The following TRAK1 variants were observed in gnomAD, a reference collection of about 807,000 sequenced individuals.
The protein encoded by TRAK1 is trafficking kinesin-binding protein 1.
A neutral mutation model predicts 92.1 loss-of-function variants in TRAK1; 33 were observed. The observed-to-expected ratio is 0.36, with a 90% confidence interval of 0.27 to 0.48. The LOEUF (loss-of-function observed/expected upper bound fraction) is 0.48, where lower values mean the gene tolerates loss of function less well. TRAK1 is among the 20% of genes least tolerant of loss of function. TRAK1 has a pLI of 0.99. For synonymous variants in TRAK1, 521 were observed against 517.3 expected (o/e 1.01, Z -0.10); for missense variants, 1,123 against 1,257.9 (o/e 0.89, Z 1.62).
At chr3:42,180,280 A>G (rs990890025) in intron 3 of TRAK1, among the ~76,000 whole-genome samples, 22 of 152,118 alleles carry the variant, frequency 1.4e-4, no homozygotes, top group African/African-American at 5.3e-4. Flanking sequence ...ATATATATTT[A>G]TGGGGTACAT....
chr3:42,113,091 G>A (rs2149083403), intron 1 of TRAK1, among the ~76,000 whole-genome samples: 2 of 151,628 alleles, frequency 1.3e-5, no homozygotes, highest in Middle Eastern at 3.4e-3. Context: ...ATTTTAAAAA[G>A]TATTATAGGC....
At position 42,107,922 on chromosome 3, in the gene TRAK1, G is replaced by A. The variant is rs60157267; in HGVS notation, c.91+16362G>A. On this transcript the variant is annotated intron_variant, in intron 1 of 15. Coordinates refer to ENST00000327628, the MANE Select transcript of TRAK1 (RefSeq NM_001042646.3). ...CTTCAGTTCTACCATACTAGATGTC[G>A]TTTCCATCCTTAAGGTCATGTCACA... 3.3e-3 allele frequency among the ~76,000 whole-genome samples: 500 copies of A among 151,256 alleles called. 2 individuals carry two copies. Among genetic ancestry groups the A allele is most frequent in the South Asian group, 0.022 (106 of 4,734 alleles).
chr3:42,121,259 C>CT (rs397959962), intron 1 of TRAK1, among the ~76,000 whole-genome samples: 14,753 of 131,712 alleles, frequency 0.11, 972 homozygotes, highest in African/African-American at 0.17. Flanking sequence ...CTGGGGAATT[C>CT]TTTTTTTTTT....
chr3:42,181,388 A>G (rs909056523), intron 3 of TRAK1, among the ~76,000 whole-genome samples: 2 of 152,196 alleles, frequency 1.3e-5, no homozygotes, highest in African/African-American at 4.8e-5. Context: ...TACCAAAAAT[A>G]CAAAAATTAG....
chr3:42,145,070 C>T (rs1416213851), intron 2 of TRAK1, among the ~76,000 whole-genome samples: 1 of 152,228 alleles, frequency 6.6e-6, no homozygotes, highest in East Asian at 1.9e-4. Context: ...GTAAGCAAGA[C>T]ACACAGTCAT....
At chr3:42,020,021 T>C (rs1027362298) in intron 1 of TRAK1, among the ~76,000 whole-genome samples, 5 of 152,184 alleles carry the variant, frequency 3.3e-5, no homozygotes, top group African/African-American at 1.2e-4. Context: ...TGAAGACAGC[T>C]CAGCTGTTCA....
Position 42,092,763 on chromosome 3 carries a change from G to GTTATGTCATA in TRAK1, c.91+1209_91+1210insCATATTATGT, listed in dbSNP as rs1705295042. On this transcript the variant is annotated intron_variant, in intron 1 of 15. Coordinates refer to ENST00000327628, the MANE Select transcript of TRAK1 (RefSeq NM_001042646.3). ...GTTATGTTATGTTATGTTATGTTATGTTATGTTATTTCGTGACTCACTGTA... is the reference window on the plus strand; with the variant it reads ...GTTATGTTATGTTATGTTATGTTATGTTATGTCATATTATGTTATTTCGTGACTCACTGTA... Among the ~76,000 whole-genome samples the GTTATGTCATA allele has an allele frequency of 4.7e-5, 7 of 147,722 alleles. No individual in the cohort carries two copies. In the Admixed American group the frequency reaches 4.8e-4, roughly 10 times the overall value.
At chr3:42,085,118 G>A (rs1200642286), upstream of TRAK1, among the ~76,000 whole-genome samples, 1 of 151,874 alleles carries the variant, frequency 6.6e-6, no homozygotes, top group African/African-American at 2.4e-5. Context: ...TTGGATTTTG[G>A]ACATTCATTT....
At chr3:42,070,865 G>T (rs955746781) in intron 1 of TRAK1, among the ~76,000 whole-genome samples, 4 of 152,184 alleles carry the variant, frequency 2.6e-5, no homozygotes, top group African/African-American at 7.2e-5. Flanking sequence ...GAAGTACATT[G>T]ATGTTTATAT....
chr3:42,166,919 C>T (rs927868136), intron 2 of TRAK1, among the ~76,000 whole-genome samples: 4 of 152,200 alleles, frequency 2.6e-5, no homozygotes, highest in Admixed American at 2.0e-4. Flanking sequence ...GGCTCTGGGT[C>T]GGTCTCTGCC....
chr3:42,163,570 A>T (rs1262726702), intron 2 of TRAK1, among the ~76,000 whole-genome samples: 2 of 146,726 alleles, frequency 1.4e-5, no homozygotes, highest in Non-Finnish European at 3.0e-5. Context: ...TCCATCTCAA[A>T]GAAAAAAAAA....
At chr3:42,082,549 C>T (rs1278245096), upstream of TRAK1, among the ~76,000 whole-genome samples, 3 of 151,938 alleles carry the variant, frequency 2.0e-5, no homozygotes, top group South Asian at 2.1e-4. Flanking sequence ...GAGCCGAGAT[C>T]GCGCCACTGC....
intron 2 of TRAK1, among the ~76,000 whole-genome samples, chr3:42,136,903 A>C (rs888381176): frequency 3.3e-5 from 5 of 152,102 alleles, no homozygotes. Context: ...GGCTGGTCTC[A>C]AACTCCTGAC....
chr3:42,194,757 C>CTGGG, intron 9 of TRAK1, 47 bp from the exon 10 acceptor site: 1 of 1,604,356 alleles, frequency 6.2e-7, no homozygotes, highest in Non-Finnish European at 8.5e-7. Flanking sequence ...GTGTGTACAC[C>CTGGG]TGGGTGCTCA....
chr3:42,212,598 G>A (rs8528), intron 14 of TRAK1: 1 of 932,798 alleles, frequency 1.1e-6, no homozygotes, highest in Non-Finnish European at 1.3e-6. Flanking sequence ...TAATTTAGAT[G>A]ATTAAAATGG....
intron 1 of TRAK1, among the ~76,000 whole-genome samples, chr3:42,080,083 A>T (rs1704360537): frequency 6.6e-6 from 1 of 152,128 alleles, no homozygotes; most frequent in Non-Finnish European, 1.5e-5. Context: ...GGGACATAAC[A>T]CAGTTTCCTC....
At chr3:42,201,536 T>C (rs752217443) in intron 12 of TRAK1, among the ~76,000 whole-genome samples, 2 of 152,072 alleles carry the variant, frequency 1.3e-5, no homozygotes, top group East Asian at 1.9e-4. Flanking sequence ...ATCCTTGATA[T>C]GATATTTTAA....
At chr3:42,027,088 A>G (rs1158295065) in intron 1 of TRAK1, among the ~76,000 whole-genome samples, 1 of 152,162 alleles carries the variant, frequency 6.6e-6, no homozygotes, top group Non-Finnish European at 1.5e-5. Context: ...TGATATTTTG[A>G]TATATTTACA....
At chr3:42,163,918 A>G (rs1701574773) in intron 2 of TRAK1, among the ~76,000 whole-genome samples, 1 of 152,210 alleles carries the variant, frequency 6.6e-6, no homozygotes, top group Non-Finnish European at 1.5e-5. Context: ...GTAACCTCGA[A>G]AGAAAAACAC....
Sources: gnomAD v4.1 joint callset for allele counts (sites outside exome capture counted in the v4.1 genomes callset) on GRCh38, gnomAD v4.1.1 for gene constraint, MANE v1.5 for transcripts, NCBI Gene and HGNC (gene_info 2026-07-23, HGNC 2026-07-21) for gene names.